RIT2: variants seen among roughly 807,000 people sequenced by gnomAD.
RIT2 encodes the protein GTP-binding protein Rit2.
A neutral mutation model predicts 23.7 loss-of-function variants in RIT2; 24 were observed. The observed-to-expected ratio is 1.01, with a 90% CI of 0.73 to 1.43. RIT2 has a LOEUF of 1.43. Ranked by LOEUF, RIT2 falls within the 40% of genes most tolerant of loss-of-function variation. The pLI is 0.00. For missense variants in RIT2, 236 were observed against 266.9 expected (o/e 0.88, Z 0.81); for synonymous variants, 107 against 91.1 (o/e 1.17, Z -0.99).
At chr18:42,816,453 T>C (rs2143985252) in intron 4 of RIT2, among the ~76,000 whole-genome samples, 1 of 152,240 alleles carries the variant, frequency 6.6e-6, no homozygotes, top group East Asian at 1.9e-4. Flanking sequence ...ATAAGTAAAA[T>C]GCAACACTGG....
chr18:43,098,065 G>A (rs564625218), intron 1 of RIT2, among the ~76,000 whole-genome samples: 79 of 151,870 alleles, frequency 5.2e-4, no homozygotes, highest in Non-Finnish European at 9.9e-4. Flanking sequence ...GTGATGGGGA[G>A]CAGCTCAAAG....
At chr18:42,929,034 G>GATATATATATATATATATATATAC (rs1555647359) in intron 3 of RIT2, among the ~76,000 whole-genome samples, 2 of 96,956 alleles carry the variant, frequency 2.1e-5, no homozygotes, top group Non-Finnish European at 3.9e-5. Context: ...AAAATATGGA[G>GATATATATATATATATATATATAC]ATATATATAT....
intron 3 of RIT2, among the ~76,000 whole-genome samples, chr18:42,973,536 A>T (rs1013292553): frequency 1.3e-5 from 2 of 151,944 alleles, no homozygotes; most frequent in Admixed American, 6.6e-5. Context: ...TATAATTGTG[A>T]TGTAGTATTT....
At chr18:42,953,480 T>C (rs1024397167) in intron 3 of RIT2, among the ~76,000 whole-genome samples, 3 of 152,122 alleles carry the variant, frequency 2.0e-5, no homozygotes, top group African/African-American at 7.2e-5. Flanking sequence ...GAGGACATTA[T>C]AAAACTATAG....
intron 4 of RIT2, among the ~76,000 whole-genome samples, chr18:42,822,220 G>C (rs929081822): frequency 5.9e-5 from 9 of 152,080 alleles, no homozygotes; most frequent in African/African-American, 2.2e-4. Flanking sequence ...CCTCCAATTA[G>C]AGAATAAGCA....
chr18:43,029,069 G>A (rs780406446), intron 2 of RIT2, among the ~76,000 whole-genome samples: 10 of 151,992 alleles, frequency 6.6e-5, no homozygotes, highest in Admixed American at 5.9e-4. Flanking sequence ...GTACTTTGCT[G>A]CTTATATAAA....
At chr18:42,757,489 C>T (rs989504808) in intron 4 of RIT2, among the ~76,000 whole-genome samples, 2 of 152,082 alleles carry the variant, frequency 1.3e-5, no homozygotes, top group African/African-American at 4.8e-5. Context: ...TTGGGTAAGG[C>T]TTGCCATGAA....
intron 1 of RIT2, among the ~76,000 whole-genome samples, chr18:43,105,134 G>GTGTGTGTT (rs1555658711): frequency 1.3e-4 from 19 of 143,140 alleles, no homozygotes; most frequent in African/African-American, 4.9e-4. Flanking sequence ...GTGTGTGTTT[G>GTGTGTGTT]TGTGTGTGTG....
intron 4 of RIT2, among the ~76,000 whole-genome samples, chr18:42,746,668 G>T (rs532280399): frequency 1.3e-5 from 2 of 152,118 alleles, no homozygotes; most frequent in Admixed American, 1.3e-4. Context: ...GAAAGAACTG[G>T]TAACAATCCT....
At chr18:43,061,772 A>G in intron 1 of RIT2, among the ~76,000 whole-genome samples, 1 of 152,094 alleles carries the variant, frequency 6.6e-6, no homozygotes, top group South Asian at 2.1e-4. Flanking sequence ...CTCCCTGCTG[A>G]GAGCTAGCTT....
At chr18:42,746,954 T>C (rs575303537) in intron 4 of RIT2, among the ~76,000 whole-genome samples, 12 of 152,164 alleles carry the variant, frequency 7.9e-5, no homozygotes, top group African/African-American at 2.6e-4. Flanking sequence ...TAGCACTGAA[T>C]GGGGAAAAGT....
intron 4 of RIT2, among the ~76,000 whole-genome samples, chr18:42,830,594 G>A (rs1598672416): frequency 6.6e-6 from 1 of 152,272 alleles, no homozygotes; most frequent in South Asian, 2.1e-4. Context: ...ATAGAGCCAA[G>A]CTCTACAGGA....
intron 1 of RIT2, among the ~76,000 whole-genome samples, chr18:43,077,102 C>CAAAAAAG (rs755511835): frequency 2.5e-4 from 20 of 80,246 alleles, no homozygotes; most frequent in African/African-American, 7.9e-4. Flanking sequence ...GACTCCGTCT[C>CAAAAAAG]AAAAAAAAAA....
chr18:42,744,261 C>G (rs1912867389), intron 4 of RIT2, among the ~76,000 whole-genome samples: 1 of 152,204 alleles, frequency 6.6e-6, no homozygotes, highest in Non-Finnish European at 1.5e-5. Context: ...ATTGCTCACA[C>G]AAAGCCTGTT....
At chr18:42,780,754 A>G (rs1186917354) in intron 4 of RIT2, among the ~76,000 whole-genome samples, 1 of 151,700 alleles carries the variant, frequency 6.6e-6, no homozygotes, top group African/African-American at 2.4e-5. Context: ...TGAATTCTAA[A>G]GGGAGGAAAG....
chr18:42,908,059 G>A (rs1373531665), intron 4 of RIT2, among the ~76,000 whole-genome samples: 1 of 149,836 alleles, frequency 6.7e-6, no homozygotes, highest in Non-Finnish European at 1.5e-5. Flanking sequence ...AAAATCTCAG[G>A]ACATAAATAG....
chr18:43,064,764 A>C (rs984142830), intron 1 of RIT2, among the ~76,000 whole-genome samples: 7 of 152,122 alleles, frequency 4.6e-5, no homozygotes, highest in Non-Finnish European at 1.5e-5. Context: ...TTTACCTAAA[A>C]ATTTAACCAA....
intron 2 of RIT2, among the ~76,000 whole-genome samples, chr18:43,009,455 GT>G (rs1911301552): frequency 6.6e-6 from 1 of 151,662 alleles, no homozygotes; most frequent in African/African-American, 2.4e-5. Context: ...TATTTAAAGA[GT>G]TAAAAGGCTT....
intron 3 of RIT2, among the ~76,000 whole-genome samples, chr18:42,966,932 T>C (rs1910237901): frequency 6.6e-6 from 1 of 152,110 alleles, no homozygotes; most frequent in Non-Finnish European, 1.5e-5. Context: ...GCAAGCAGTA[T>C]GGGCTAAACC....
Sources: allele counts gnomAD v4.1 joint callset (sites outside exome capture counted in the v4.1 genomes callset), GRCh38; gene constraint gnomAD v4.1.1; transcripts MANE v1.5; gene names NCBI Gene and HGNC (gene_info 2026-07-23, HGNC 2026-07-21).